The following ACTN4 variants were observed in gnomAD, a reference collection of about 807,000 sequenced individuals.
ACTN4 encodes the protein actinin alpha 4, also known as alpha-actinin-4.
In ACTN4, 18 loss-of-function variants were observed where a neutral mutation model predicts 114.2. That is an observed-to-expected ratio of 0.16 (90% CI 0.11 to 0.23). ACTN4 has a LOEUF of 0.23. Among genes scored for constraint, ACTN4 ranks in the 10% least tolerant of loss-of-function variants. ACTN4 has a pLI of 1.00. For missense variants in ACTN4, 722 were observed against 1,262.9 expected (o/e 0.57, Z 6.49); for synonymous variants, 515 against 506.3 (o/e 1.02, Z -0.23).
chr19:38,718,189 A>C, intron 11 of ACTN4, 115 bp downstream of exon 11: 11 of 1,518,404 alleles, frequency 7.2e-6, no homozygotes, highest in Non-Finnish European at 9.8e-6. Context: ...TCTGTTTCTC[A>C]GGTGCCCTTT....
chr19:38,718,188 C>A, intron 11 of ACTN4, 114 bp downstream of exon 11: 1 of 1,518,394 alleles, frequency 6.6e-7, no homozygotes, highest in South Asian at 1.2e-5. Flanking sequence ...GTCTGTTTCT[C>A]AGGTGCCCTT....
At chr19:38,721,231 G>A (rs762070472) in intron 11 of ACTN4, among the ~76,000 whole-genome samples, 1 of 152,156 alleles carries the variant, frequency 6.6e-6, no homozygotes, top group Non-Finnish European at 1.5e-5. Flanking sequence ...GTGCTACCAC[G>A]GCCCGATTTG....
chr19:38,704,216 C>T (rs142884589), intron 3 of ACTN4, among the ~76,000 whole-genome samples: 149 of 152,364 alleles, frequency 9.8e-4, no homozygotes, highest in Middle Eastern at 6.8e-3. Flanking sequence ...GAGACTGAGG[C>T]AGAAGGATTG....
chr19:38,649,846 T>C (rs936633345), intron 1 of ACTN4, among the ~76,000 whole-genome samples: 14 of 151,868 alleles, frequency 9.2e-5, no homozygotes, highest in Non-Finnish European at 1.5e-5. Flanking sequence ...GGCATAACCT[T>C]GGGTCCATTA....
chr19:38,726,863 G>T, intron 17 of ACTN4, 94 bp from the exon 18 acceptor site: 3 of 1,559,910 alleles, frequency 1.9e-6, no homozygotes, highest in Non-Finnish European at 2.6e-6. Flanking sequence ...GCTTTCCCCA[G>T]GGCGGGAGGA....
At position 38,725,865 on chromosome 19, in the gene ACTN4, C is replaced by T. The variant is rs1213024698; in HGVS notation, c.2152C>T (p.Leu718Phe). 1.9e-6 allele frequency: 3 copies of T among 1,614,048 alleles called. No homozygotes were observed. In the African/African-American group the frequency reaches 4.0e-5, roughly 22 times the overall value. ...GCAGCACCAGCTCATCCAGGAGGCC[C>T]TCATCTTCGACAACAAGCACACCAA... The part of the protein sequence containing the change: ...EQQHQLIQEA[L>F]IFDNKHTNYT... The change falls in exon 17 of 21, where the codon CTC becomes TTC. Residue 718 changes from leucine (L) to phenylalanine (F), a missense_variant. Around this residue, in one of 3 missense-constraint regions of ACTN4, gnomAD observed 523 missense variants for 875.9 expected, o/e 0.60. Coordinates refer to ENST00000252699, the MANE Select transcript of ACTN4 (RefSeq NM_004924.6).
chr19:38,721,168 G>A (rs1046701811), intron 11 of ACTN4, among the ~76,000 whole-genome samples: 2 of 152,172 alleles, frequency 1.3e-5, no homozygotes, highest in African/African-American at 2.4e-5. Flanking sequence ...CTTTGACCCC[G>A]GGTGCTTCTC....
rs557057679 is a variant in ACTN4 at position 38,727,065 on chromosome 19, A to G, written c.2299A>G (p.Met767Val). ...RDAKGISQEQ[M>V]QEFRASFNHF... ...CGCCAAGGGCATCAGCCAGGAGCAG[A>G]TGCAGGAGTTCCGGGCGTCCTTCAA... Residue 767 changes from methionine to valine, a missense_variant, in exon 18 of 21, where the codon ATG becomes GTG. Coordinates refer to ENST00000252699, the MANE Select transcript of ACTN4 (RefSeq NM_004924.6). This position sits in a 1 kb window ranked among gnomAD's most constrained non-coding sequence, Gnocchi z 5.4. 6.2e-7 allele frequency: 1 copy of G among 1,614,140 alleles called. No homozygotes were observed. The highest frequency in any genetic ancestry group is 1.3e-5 in the African/African-American group (1 of 75,054).
chr19:38,668,077 G>A (rs1392159746), intron 1 of ACTN4, among the ~76,000 whole-genome samples: 3 of 152,300 alleles, frequency 2.0e-5, no homozygotes, highest in Non-Finnish European at 4.4e-5. Flanking sequence ...ACTCAGATGA[G>A]GTTGTAATGT....
At chr19:38,649,306 G>C (rs1254595590) in intron 1 of ACTN4, among the ~76,000 whole-genome samples, 1 of 120,490 alleles carries the variant, frequency 8.3e-6, no homozygotes, top group African/African-American at 3.1e-5. Flanking sequence ...GTTGAGGGGG[G>C]AGCTCTGAGT....
chr19:38,672,977 C>CT (rs1254570342), intron 1 of ACTN4, among the ~76,000 whole-genome samples: 2 of 143,224 alleles, frequency 1.4e-5, no homozygotes, highest in African/African-American at 5.2e-5. Context: ...CAGTCTCACT[C>CT]TGTCTCCAAG....
chr19:38,662,694 C>T (rs908688865), intron 1 of ACTN4, among the ~76,000 whole-genome samples: 4 of 152,194 alleles, frequency 2.6e-5, no homozygotes, highest in African/African-American at 4.8e-5. Flanking sequence ...TCCTACCCCA[C>T]GTTTGGGACA....
rs1253941922 is a variant in ACTN4, at chr19:38,701,008, G to C, written c.284G>C (p.Arg95Pro). ...MLLLEVISGE[R>P]LPKPERGKMR... Reference sequence around the variant, plus strand: ...CTCTTTGTGCACTTCTCAGGGGAGCGGTTACCTAAGCCGGAGCGGGGGAAG... The same window carrying C: ...CTCTTTGTGCACTTCTCAGGGGAGCCGTTACCTAAGCCGGAGCGGGGGAAG... Residue 95 changes from arginine (R) to proline (P), a missense_variant, in exon 3 of 21, where the codon CGG (arginine) becomes CCG (proline). By Grantham distance (103) the Arg-to-Pro change is moderately radical. Around this residue, in one of 3 missense-constraint regions of ACTN4, gnomAD observed 127 missense variants for 311.3 expected, o/e 0.41. Coordinates refer to ENST00000252699, the MANE Select transcript of ACTN4 (RefSeq NM_004924.6). 6.2e-7 allele frequency: 1 copy of C among 1,613,892 alleles called. No homozygotes were observed. The highest frequency in any genetic ancestry group is 8.5e-7 in the Non-Finnish European group (1 of 1,180,028).
intron 19 of ACTN4, 60 bp downstream of exon 19, chr19:38,728,086 TCTC>T: frequency 6.5e-7 from 1 of 1,533,818 alleles, no homozygotes; most frequent in South Asian, 1.2e-5. Flanking sequence ...TCTCTCTCCT[TCTC>T]TCTTTCTCCC....
chr19:38,675,945 A>T (rs1388727882), intron 1 of ACTN4, among the ~76,000 whole-genome samples: 1 of 152,234 alleles, frequency 6.6e-6, no homozygotes, highest in Non-Finnish European at 1.5e-5. Context: ...CTGTGAAGCC[A>T]TGGACTCAGA....
At chr19:38,668,299 C>T (rs1360588687) in intron 1 of ACTN4, among the ~76,000 whole-genome samples, 1 of 152,162 alleles carries the variant, frequency 6.6e-6, no homozygotes, top group African/African-American at 2.4e-5. Context: ...AATATTCTTT[C>T]TCTTCAATCC....
chr19:38,681,402 G>C (rs3786837), intron 1 of ACTN4, among the ~76,000 whole-genome samples: 47,473 of 151,870 alleles, frequency 0.31, 9,580 homozygotes, highest in Non-Finnish European at 0.45. Context: ...TACTCTGGGA[G>C]ATCTCCACCC....
At chr19:38,670,094 C>G (rs1967083455) in intron 1 of ACTN4, among the ~76,000 whole-genome samples, 1 of 152,150 alleles carries the variant, frequency 6.6e-6, no homozygotes, top group South Asian at 2.1e-4. Flanking sequence ...TTTTCCTAGC[C>G]ACCCCTTTCT....
At chr19:38,719,456 A>G (rs1365164217) in intron 11 of ACTN4, among the ~76,000 whole-genome samples, 1 of 152,216 alleles carries the variant, frequency 6.6e-6, no homozygotes, top group Non-Finnish European at 1.5e-5. Flanking sequence ...TTCCCGCGGC[A>G]GCTGCCAGCC....
Sources: allele counts gnomAD v4.1 joint callset (sites outside exome capture counted in the v4.1 genomes callset), GRCh38; gene constraint gnomAD v4.1.1; regional missense constraint gnomAD v4.1.1; non-coding constraint Gnocchi (gnomAD v3.1); transcripts MANE v1.5; gene names NCBI Gene and HGNC (gene_info 2026-07-23, HGNC 2026-07-21).